ZFP2: variants seen among roughly 807,000 people sequenced by gnomAD.
ZFP2 encodes the protein zinc finger protein ZFP2.
In ZFP2, 33 loss-of-function variants were observed where a neutral mutation model predicts 36.1. The observed-to-expected ratio is 0.92, with a 90% CI of 0.69 to 1.22. ZFP2 has a LOEUF of 1.22. Among genes scored for constraint, ZFP2 ranks in the 50% most tolerant of loss-of-function variants. The pLI, the probability that ZFP2 is intolerant of heterozygous loss-of-function variation, is 0.00. For synonymous variants in ZFP2, 170 were observed against 178.0 expected (o/e 0.96, Z 0.36); for missense variants, 522 against 551.4 (o/e 0.95, Z 0.53).
intron 4 of ZFP2, among the ~76,000 whole-genome samples, chr5:178,921,161 G>A (rs1434865355): frequency 6.6e-6 from 1 of 152,154 alleles, no homozygotes; most frequent in African/African-American, 2.4e-5. Flanking sequence ...GTCCACGTGT[G>A]CTGCTTAGGG....
rs116172955 is a variant in ZFP2, at chr5:178,931,872, C to A, written c.559C>A (p.Gln187Lys). Residue 187 changes from glutamine (Q) to lysine (K), a missense_variant, in exon 5 of 5, where the codon CAG (glutamine) becomes AAG (lysine). Physicochemically the swap from Gln to Lys is moderately conservative, Grantham distance 53. Coordinates refer to ENST00000361362, the MANE Select transcript of ZFP2 (RefSeq NM_030613.4). ...AACTCACACCGGAGAGAAACCCTAT[C>A]AGTGTAAAGAGTGTGGCAAAGCCTT... is the stretch of plus-strand genomic sequence containing the variant. ...QRTHTGEKPY[Q>K]CKECGKAFHK... 1 of 1,612,578 alleles carries A rather than the reference C, an allele frequency of 6.2e-7. No homozygotes were observed. Among genetic ancestry groups the A allele is most frequent in the Admixed American group, 1.7e-5 (1 of 59,968 alleles).
chr5:178,919,357 A>C (rs1364905909), intron 4 of ZFP2, among the ~76,000 whole-genome samples: 1 of 152,180 alleles, frequency 6.6e-6, no homozygotes, highest in Non-Finnish European at 1.5e-5. Context: ...GCATTGTTTA[A>C]AAACATTAAG....
chr5:178,931,606 G>T lies in ZFP2; in HGVS notation c.293G>T (p.Gly98Val). 1.2e-6 allele frequency: 2 copies of T among 1,614,148 alleles called. No individual in the cohort carries two copies. The highest frequency in any genetic ancestry group is 8.5e-7 in the Non-Finnish European group (1 of 1,180,026). The change falls in exon 5 of 5, where the codon GGA becomes GTA. Residue 98 changes from glycine to valine, a missense_variant. Transcript: ENST00000361362. ...ATTAAAACTCAAAGAATGTTTGTAGGAAAGAAGATCTATGAATGTAATCAG... is the reference window on the plus strand; with the variant it reads ...ATTAAAACTCAAAGAATGTTTGTAGTAAAGAAGATCTATGAATGTAATCAG... ...ELIKTQRMFV[G>V]KKIYECNQCS...
intron 1 of ZFP2, among the ~76,000 whole-genome samples, chr5:178,911,412 C>G (rs944850167): frequency 6.6e-6 from 1 of 152,120 alleles, no homozygotes; most frequent in African/African-American, 2.4e-5. Flanking sequence ...CTGAGTGTGC[C>G]TGCCTTTCCT....
At chr5:178,899,662 A>G (rs1758013142) in intron 1 of ZFP2, among the ~76,000 whole-genome samples, 1 of 152,172 alleles carries the variant, frequency 6.6e-6, no homozygotes, top group Non-Finnish European at 1.5e-5. Flanking sequence ...AAACTTTCCT[A>G]GGAAAAAGTA....
chr5:178,919,286 T>G (rs1053332099), intron 4 of ZFP2, among the ~76,000 whole-genome samples: 3 of 152,220 alleles, frequency 2.0e-5, no homozygotes, highest in African/African-American at 7.2e-5. Flanking sequence ...AGTGAACCAT[T>G]CTTTATTTCC....
rs779365133 is a variant in ZFP2 at position 178,931,287 on chromosome 5, A to G, written c.-27A>G. The G allele has an allele frequency of 3.9e-6, 6 of 1,549,434 alleles. No individual in the cohort carries two copies. Among genetic ancestry groups the G allele is most frequent in the Admixed American group, 2.1e-5 (1 of 47,460 alleles). ...AGAGCCAACTCCGAAGCCGGGTATT[A>G]CTGAAGATTTATGCCATGGGGTAAC... On this transcript the variant is annotated 5_prime_UTR_variant, in exon 5 of 5. Coordinates refer to ENST00000361362, the MANE Select transcript of ZFP2 (RefSeq NM_030613.4).
chr5:178,917,570 A>T (rs1758462559), intron 4 of ZFP2, among the ~76,000 whole-genome samples: 1 of 152,006 alleles, frequency 6.6e-6, no homozygotes, highest in East Asian at 1.9e-4. Flanking sequence ...AGCCGAGATC[A>T]TGCCACTGCA....
chr5:178,917,709 A>G (rs1758470053), intron 4 of ZFP2, among the ~76,000 whole-genome samples: 1 of 152,220 alleles, frequency 6.6e-6, no homozygotes, highest in Non-Finnish European at 1.5e-5. Flanking sequence ...ATATAGAGAA[A>G]CATACACAGA....
chr5:178,903,565 A>G (rs1758101862), intron 1 of ZFP2, among the ~76,000 whole-genome samples: 1 of 152,220 alleles, frequency 6.6e-6, no homozygotes, highest in Non-Finnish European at 1.5e-5. Flanking sequence ...ATACGTTGCC[A>G]GTATTCTGTC....
At chr5:178,904,125 T>C (rs1214568418) in intron 1 of ZFP2, among the ~76,000 whole-genome samples, 1 of 152,268 alleles carries the variant, frequency 6.6e-6, no homozygotes, top group African/African-American at 2.4e-5. Context: ...GTCTGTGATG[T>C]GAAGTAGGGA....
intron 4 of ZFP2, among the ~76,000 whole-genome samples, chr5:178,920,222 A>C (rs1361337839): frequency 1.3e-5 from 2 of 152,046 alleles, no homozygotes; most frequent in African/African-American, 4.8e-5. Flanking sequence ...TGTGTTGTTC[A>C]GATTGAATAA....
chr5:178,932,134 A>C lies in ZFP2; in HGVS notation c.821A>C (p.Gln274Pro), dbSNP rs147320919. 9.3e-6 allele frequency: 15 copies of C among 1,613,252 alleles called. No individual in the cohort carries two copies. Among genetic ancestry groups the C allele is most frequent in the Non-Finnish European group, 1.3e-5 (15 of 1,179,504 alleles). The change falls in exon 5 of 5, where the codon CAA becomes CCA. Residue 274 changes from glutamine to proline, a missense_variant. Gln to Pro is a moderately conservative substitution (Grantham distance 76). Coordinates refer to ENST00000361362, the MANE Select transcript of ZFP2 (RefSeq NM_030613.4). ...HTGEKPYECS[Q>P]CGKAFSKSST... ...GGAGAAAAACCCTATGAGTGTAGTC[A>C]ATGTGGAAAAGCCTTTAGTAAGAGC... is the stretch of plus-strand genomic sequence containing the variant.
chr5:178,908,164 A>T (rs1758204042), intron 1 of ZFP2, among the ~76,000 whole-genome samples: 1 of 152,050 alleles, frequency 6.6e-6, no homozygotes, highest in African/African-American at 2.4e-5. Flanking sequence ...AATAATTATT[A>T]CTGGCTGGGC....
At chr5:178,896,273 G>A (rs1757935090) in intron 1 of ZFP2, among the ~76,000 whole-genome samples, 1 of 152,232 alleles carries the variant, frequency 6.6e-6, no homozygotes, top group Admixed American at 6.5e-5. Context: ...GCGGGGATGG[G>A]GGCTCGAACA....
intron 4 of ZFP2, among the ~76,000 whole-genome samples, chr5:178,917,771 A>C (rs934504968): frequency 6.6e-6 from 1 of 152,214 alleles, no homozygotes; most frequent in Non-Finnish European, 1.5e-5. Flanking sequence ...CATGAGCCTC[A>C]CTGATGTTTA....
intron 1 of ZFP2, among the ~76,000 whole-genome samples, chr5:178,911,283 G>T (rs2113080377): frequency 6.6e-6 from 1 of 152,262 alleles, no homozygotes; most frequent in Non-Finnish European, 1.5e-5. Context: ...CTTGGAAATT[G>T]ATTTTGCCCT....
intron 1 of ZFP2, among the ~76,000 whole-genome samples, chr5:178,906,885 A>G (rs1351567689): frequency 6.6e-6 from 1 of 150,942 alleles, no homozygotes; most frequent in Non-Finnish European, 1.5e-5. Flanking sequence ...TTTTTTTAAT[A>G]AGTTTTTATT....
chr5:178,927,769 C>G (rs112113332), intron 4 of ZFP2, among the ~76,000 whole-genome samples: 3 of 151,110 alleles, frequency 2.0e-5, no homozygotes. Context: ...CTCCTGACCT[C>G]GGGTGATTCT....
Sources: allele counts gnomAD v4.1 joint callset (sites outside exome capture counted in the v4.1 genomes callset), GRCh38; gene constraint gnomAD v4.1.1; transcripts MANE v1.5; gene names NCBI Gene and HGNC (gene_info 2026-07-23, HGNC 2026-07-21).